TSC22D1: variants seen among roughly 807,000 people sequenced by gnomAD.
TSC22D1 encodes the protein TSC22 domain family member 1, also known as TSC22 domain family protein 1.
TSC22D1 carries 9 observed loss-of-function variants against 74.2 expected under a neutral mutation model. The ratio of observed to expected loss-of-function variants is 0.12; its 90% confidence interval spans 0.07 to 0.21. TSC22D1 has a LOEUF of 0.21. TSC22D1 is among the 10% of genes least tolerant of loss of function. The pLI is 1.00. For missense variants in TSC22D1, 1,427 were observed against 1,304.7 expected (o/e 1.09, Z -1.44); for synonymous variants, 586 against 492.5 (o/e 1.19, Z -2.51).
At chr13:44,500,967 T>A (rs1009385121) in intron 1 of TSC22D1, among the ~76,000 whole-genome samples, 1 of 152,206 alleles carries the variant, frequency 6.6e-6, no homozygotes, top group Non-Finnish European at 1.5e-5. Context: ...ATTACAGGCA[T>A]GAGCAACTAT....
chr13:44,570,153 A>ATTC (rs1243301695), intron 1 of TSC22D1, among the ~76,000 whole-genome samples: 1 of 151,722 alleles, frequency 6.6e-6, no homozygotes, highest in Non-Finnish European at 1.5e-5. Context: ...GTAAAGGTGA[A>ATTC]TTCACAGTTC....
intron 1 of TSC22D1, among the ~76,000 whole-genome samples, chr13:44,566,145 C>T (rs1294647043): frequency 6.6e-6 from 1 of 152,032 alleles, no homozygotes; most frequent in Admixed American, 6.6e-5. Context: ...AGCAATGAAG[C>T]CTGCCTATTT....
chr13:44,518,307 AG>A (rs1303621842), intron 1 of TSC22D1, among the ~76,000 whole-genome samples: 3 of 152,198 alleles, frequency 2.0e-5, no homozygotes. Flanking sequence ...ATTTCTAATT[AG>A]GCAAACTGTG....
chr13:44,537,611 T>C, intron 1 of TSC22D1: 2 of 984,882 alleles, frequency 2.0e-6, no homozygotes, highest in Non-Finnish European at 2.4e-6. Context: ...TTTTTTAATT[T>C]ATATGTGTTT....
At chr13:44,496,166 T>C (rs1042149406) in intron 1 of TSC22D1, among the ~76,000 whole-genome samples, 1 of 152,178 alleles carries the variant, frequency 6.6e-6, no homozygotes, top group Non-Finnish European at 1.5e-5. Context: ...CTTTTGGGTA[T>C]ACACCTGGGA....
intron 1 of TSC22D1, among the ~76,000 whole-genome samples, chr13:44,525,784 C>T (rs1465853376): frequency 7.2e-6 from 1 of 139,054 alleles, no homozygotes; most frequent in Admixed American, 7.3e-5. Flanking sequence ...TACATCATAT[C>T]TAGCTTTTAA....
chr13:44,528,040 T>C, intron 1 of TSC22D1, among the ~76,000 whole-genome samples: 1 of 151,964 alleles, frequency 6.6e-6, no homozygotes, highest in Admixed American at 6.5e-5. Flanking sequence ...AGCATCAAAA[T>C]ATGAGACAAA....
intron 1 of TSC22D1, among the ~76,000 whole-genome samples, chr13:44,477,638 A>AT (rs35355914): frequency 0.33 from 41,475 of 125,278 alleles, 7,609 homozygotes; most frequent in Non-Finnish European, 0.39. Context: ...GTGCTCATAG[A>AT]TTTTTTTTTT....
chr13:44,456,189 A>C (rs1056874948), intron 1 of TSC22D1, among the ~76,000 whole-genome samples: 4 of 152,216 alleles, frequency 2.6e-5, no homozygotes, highest in African/African-American at 9.6e-5. Flanking sequence ...AAAAGTGAGC[A>C]GCAGCAAGAT....
At chr13:44,545,110 G>A (rs748123865) in intron 1 of TSC22D1, among the ~76,000 whole-genome samples, 28 of 152,086 alleles carry the variant, frequency 1.8e-4, no homozygotes, top group Non-Finnish European at 2.9e-4. Flanking sequence ...CAAGGTAGGC[G>A]GATCACCTGA....
chr13:44,434,302 G>A lies in TSC22D1; in HGVS notation c.*324C>T, dbSNP rs1192854991. ...GAGAGAGAACCCTTGGAAGTGAGGG[G>A]TAGGGAGCCGGAAGGGATGGAAAGG... On this transcript the variant is annotated 3_prime_UTR_variant, in exon 3 of 3. Coordinates refer to ENST00000458659, the MANE Select transcript of TSC22D1 (RefSeq NM_183422.4). The A allele has an allele frequency of 2.2e-6, 3 of 1,373,730 alleles. No individual in the cohort carries two copies. Among genetic ancestry groups the A allele is most frequent in the Admixed American group, 3.7e-5 (1 of 27,226 alleles). 85.1% of individuals were successfully genotyped at this position (1,373,730 alleles called of 1,614,324 possible). A position where few individuals can be genotyped will look rare whatever the true frequency, so the allele number is the denominator to read the frequency against.
intron 1 of TSC22D1, among the ~76,000 whole-genome samples, chr13:44,510,249 G>A (rs1051061451): frequency 4.6e-5 from 7 of 151,500 alleles, no homozygotes; most frequent in South Asian, 2.1e-4. Flanking sequence ...AAAATTAGCC[G>A]GGCGTGGTGG....
chr13:44,477,921 G>A (rs1595105910), intron 1 of TSC22D1, among the ~76,000 whole-genome samples: 1 of 152,198 alleles, frequency 6.6e-6, no homozygotes, highest in South Asian at 2.1e-4. Flanking sequence ...GATTACAGGC[G>A]TGAGCCACTG....
At chr13:44,560,507 C>T (rs986719367) in intron 1 of TSC22D1, among the ~76,000 whole-genome samples, 12 of 151,984 alleles carry the variant, frequency 7.9e-5, no homozygotes, top group Admixed American at 4.6e-4. Flanking sequence ...AAATATTCTT[C>T]GTAATTTCTG....
chr13:44,436,818 C>CGCTTT, intron 1 of TSC22D1: 1 of 1,369,176 alleles, frequency 7.3e-7, no homozygotes, highest in African/African-American at 1.5e-5. Flanking sequence ...CGTGAAGAGG[C>CGCTTT]GCTTCCCAGA....
intron 1 of TSC22D1, chr13:44,537,076 G>C (rs1881192213): frequency 1.1e-6 from 1 of 949,560 alleles, no homozygotes; most frequent in African/African-American, 1.8e-5. Flanking sequence ...TCCTGAAACA[G>C]AAATAAGCCA....
At chr13:44,487,719 A>G (rs1878510739) in intron 1 of TSC22D1, among the ~76,000 whole-genome samples, 1 of 151,996 alleles carries the variant, frequency 6.6e-6, no homozygotes, top group Non-Finnish European at 1.5e-5. Flanking sequence ...AAAAAGATAA[A>G]TAAATTTCTT....
chr13:44,434,642 G>C lies in TSC22D1; in HGVS notation c.3206C>G (p.Ser1069Ter). 1 of 1,575,782 alleles carries C rather than the reference G, an allele frequency of 6.3e-7. No individual in the cohort carries two copies. Among genetic ancestry groups the C allele is most frequent in the Admixed American group, 1.8e-5 (1 of 55,102 alleles). ...CATAGGCAGCTATGCGGTTGGTCCT[G>C]AGCCCTGCGATGCTGGCTGGGCGGG... ...QPPAQPASQG[S>*]GPTA Residue 1069 changes from serine to a stop codon, truncating the protein, a stop_gained, in exon 3 of 3, where the codon TCA (serine) becomes TGA (stop). Coordinates refer to ENST00000458659, the MANE Select transcript of TSC22D1 (RefSeq NM_183422.4). LOFTEE classifies it high-confidence loss of function.
At chr13:44,489,241 C>G (rs1440219063) in intron 1 of TSC22D1, among the ~76,000 whole-genome samples, 1 of 149,032 alleles carries the variant, frequency 6.7e-6, no homozygotes, top group Admixed American at 6.7e-5. Context: ...AATTATAGCT[C>G]TAACTGTGAA....
Sources: allele counts gnomAD v4.1 joint callset (sites outside exome capture counted in the v4.1 genomes callset), GRCh38; gene constraint gnomAD v4.1.1; transcripts MANE v1.5; gene names NCBI Gene and HGNC (gene_info 2026-07-23, HGNC 2026-07-21).